Variants in ST8SIA1 observed in about 807,000 individuals in gnomAD.
The protein encoded by ST8SIA1 is alpha-N-acetylneuraminide alpha-2,8-sialyltransferase.
Under a neutral mutation model 35.9 loss-of-function variants are expected in ST8SIA1, and 16 were observed. The ratio of observed to expected loss-of-function variants is 0.45; its 90% CI spans 0.30 to 0.68. The LOEUF (loss-of-function observed/expected upper bound fraction) is 0.68, where lower values mean the gene tolerates loss of function less well. Among genes scored for constraint, ST8SIA1 ranks in the 30% least tolerant of loss-of-function variants. The pLI is 0.09. For missense variants in ST8SIA1, 383 were observed against 453.6 expected, an observed-to-expected ratio of 0.84 and a Z score of 1.41; for synonymous variants, 170 against 169.6, an observed-to-expected ratio of 1.00 and a Z score of -0.02.
In ST8SIA1 at chr12:22,333,991, G is replaced by T. The variant is rs745766127; in HGVS notation, c.236+6C>A. On this transcript the variant is annotated splice_donor_region_variant and intron_variant, in intron 1 of 4. Transcript: ENST00000396037. The stretch of plus-strand genomic sequence containing the variant: ...TAGAGGGGAGGAGCCGCGAGGGCAG[G>T]AGTACCTGAACGCTCTGGCCGCGGT... 4 of 1,612,962 alleles carry T rather than the reference G, an allele frequency of 2.5e-6. No homozygotes were observed. The highest frequency in any genetic ancestry group is 3.3e-5 in the Admixed American group (2 of 60,028).
At chr12:22,287,317 G>A in intron 1 of ST8SIA1, 24 bp from the exon 2 acceptor site, 1 of 1,604,286 alleles carries the variant, frequency 6.2e-7, no homozygotes, top group Non-Finnish European at 8.5e-7. Context: ...CAGAGAGAGA[G>A]AAAAGAACAG....
intron 1 of ST8SIA1, among the ~76,000 whole-genome samples, chr12:22,293,173 T>C (rs553889833): frequency 3.5e-4 from 54 of 152,358 alleles, no homozygotes; most frequent in Middle Eastern, 3.4e-3. Context: ...TCCCATTTCC[T>C]GCCACTGTAT....
At chr12:22,280,737 C>T (rs1396101692) in intron 2 of ST8SIA1, among the ~76,000 whole-genome samples, 3 of 152,186 alleles carry the variant, frequency 2.0e-5, no homozygotes, top group East Asian at 3.8e-4. Context: ...ATTGCACTAC[C>T]TCACTTCTAA....
At chr12:22,296,128 G>C (rs914206975) in intron 1 of ST8SIA1, among the ~76,000 whole-genome samples, 9 of 152,158 alleles carry the variant, frequency 5.9e-5, no homozygotes, top group Non-Finnish European at 1.0e-4. Context: ...GCCTTAAAGA[G>C]GAGCATGCCT....
At chr12:22,231,698 C>T (rs981098117) in intron 4 of ST8SIA1, among the ~76,000 whole-genome samples, 4 of 151,968 alleles carry the variant, frequency 2.6e-5, no homozygotes, top group East Asian at 1.9e-4. Context: ...CTCAGCCCCC[C>T]GAGTAGCTGG....
At chr12:22,205,923 A>G (rs1425889452) in intron 4 of ST8SIA1, among the ~76,000 whole-genome samples, 1 of 152,166 alleles carries the variant, frequency 6.6e-6, no homozygotes, top group Non-Finnish European at 1.5e-5. Context: ...TCTGAGAAAT[A>G]TTTACAGCAA....
At chr12:22,260,498 C>T (rs771316483) in intron 2 of ST8SIA1, among the ~76,000 whole-genome samples, 25 of 152,154 alleles carry the variant, frequency 1.6e-4, no homozygotes, top group Admixed American at 1.2e-3. Context: ...AACCATCCTA[C>T]GGATCTTTGT....
chr12:22,219,272 T>C (rs75235202), intron 4 of ST8SIA1, among the ~76,000 whole-genome samples: 26,728 of 152,222 alleles, frequency 0.18, 2,524 homozygotes, highest in Middle Eastern at 0.29. Flanking sequence ...TATATTTCTA[T>C]AGTTACATAG....
At chr12:22,275,080 G>A (rs982848689) in intron 2 of ST8SIA1, among the ~76,000 whole-genome samples, 4 of 152,258 alleles carry the variant, frequency 2.6e-5, no homozygotes, top group Middle Eastern at 3.4e-3. Flanking sequence ...TTGGGAGAGG[G>A]AACTGGGAAG....
intron 3 of ST8SIA1, chr12:22,250,712 A>AT (rs1486972794): frequency 6.6e-6 from 1 of 152,164 alleles, no homozygotes; most frequent in Non-Finnish European, 1.5e-5. Context: ...AAGTTCTCTG[A>AT]TTTTGTCTCT....
At chr12:22,332,539 G>T (rs1866780899) in intron 1 of ST8SIA1, among the ~76,000 whole-genome samples, 1 of 152,178 alleles carries the variant, frequency 6.6e-6, no homozygotes, top group Non-Finnish European at 1.5e-5. Context: ...CCTTTTGCCT[G>T]CTCTTGAGTC....
At chr12:22,296,979 C>T (rs758453644) in intron 1 of ST8SIA1, among the ~76,000 whole-genome samples, 18 of 152,138 alleles carry the variant, frequency 1.2e-4, no homozygotes, top group Non-Finnish European at 2.4e-4. Flanking sequence ...CTCGAATATA[C>T]GTGTTTACAC....
chr12:22,235,122 G>A (rs950176173), intron 4 of ST8SIA1, among the ~76,000 whole-genome samples: 6 of 151,536 alleles, frequency 4.0e-5, no homozygotes, highest in Non-Finnish European at 8.8e-5. Context: ...TGGAAACTTC[G>A]GTTAAAAATG....
At chr12:22,309,023 A>G (rs1011704831) in intron 1 of ST8SIA1, among the ~76,000 whole-genome samples, 10 of 152,168 alleles carry the variant, frequency 6.6e-5, no homozygotes, top group African/African-American at 2.2e-4. Context: ...TAATATCTCT[A>G]AAAGAGATAC....
intron 4 of ST8SIA1, among the ~76,000 whole-genome samples, chr12:22,219,360 A>G (rs537593559): frequency 6.6e-6 from 1 of 152,304 alleles, no homozygotes; most frequent in South Asian, 2.1e-4. Context: ...CCTTTGTGTC[A>G]TAAACTCAAA....
At chr12:22,245,591 T>C (rs1185428477) in intron 4 of ST8SIA1, among the ~76,000 whole-genome samples, 1 of 152,212 alleles carries the variant, frequency 6.6e-6, no homozygotes, top group Non-Finnish European at 1.5e-5. Context: ...TAGTGTAATG[T>C]TGTGAAATAT....
At position 22,198,862 on chromosome 12, in the gene ST8SIA1, C is replaced by T. The variant is rs539718785; in HGVS notation, c.*2690G>A. On this transcript the variant is annotated 3_prime_UTR_variant, in exon 5 of 5. Coordinates refer to ENST00000396037, the MANE Select transcript of ST8SIA1 (RefSeq NM_003034.4). ...GTAAGATCTTTAGCAGGATCCCTAACCTCTACTAAGTACATGCTATTAGCA... is the reference window on the plus strand; with the variant it reads ...GTAAGATCTTTAGCAGGATCCCTAATCTCTACTAAGTACATGCTATTAGCA... The T allele has an allele frequency of 6.6e-6, 1 of 152,194 alleles. No individual in the cohort carries two copies. Among genetic ancestry groups the T allele is most frequent in the South Asian group, 2.1e-4 (1 of 4,820 alleles). The allele number at this position is 152,194 out of a possible 1,614,324, so 9.4% of individuals were successfully genotyped here.
chr12:22,284,181 AC>A (rs1866068416), intron 2 of ST8SIA1, among the ~76,000 whole-genome samples: 1 of 152,058 alleles, frequency 6.6e-6, no homozygotes, highest in Non-Finnish European at 1.5e-5. Flanking sequence ...CGACAAAAAA[AC>A]AAAAGTAGGC....
intron 1 of ST8SIA1, among the ~76,000 whole-genome samples, chr12:22,290,850 A>G (rs1161607964): frequency 6.6e-6 from 1 of 152,100 alleles, no homozygotes; most frequent in Non-Finnish European, 1.5e-5. Flanking sequence ...GCTGTGTATT[A>G]TTTGCTTTTC....
Sources: gnomAD v4.1 joint callset for allele counts (sites outside exome capture counted in the v4.1 genomes callset) on GRCh38, gnomAD v4.1.1 for gene constraint, MANE v1.5 for transcripts, NCBI Gene and HGNC (gene_info 2026-07-23, HGNC 2026-07-21) for gene names.